Variants in ST6GAL2 observed in about 807,000 individuals in gnomAD.
ST6GAL2 encodes beta-galactoside alpha-2,6-sialyltransferase 2.
Under a neutral mutation model 37.5 loss-of-function variants are expected in ST6GAL2, and 24 were observed. The ratio of observed to expected loss-of-function variants is 0.64; its 90% CI spans 0.46 to 0.90. The LOEUF (loss-of-function observed/expected upper bound fraction) is 0.90, where lower values mean the gene tolerates loss of function less well. ST6GAL2 is among the 40% of genes least tolerant of loss of function. ST6GAL2 has a pLI of 0.00. For synonymous variants in ST6GAL2, 306 were observed against 295.1 expected, an observed-to-expected ratio of 1.04 and a Z score of -0.38; for missense variants, 715 against 712.7, an observed-to-expected ratio of 1.00 and a Z score of -0.04.
intron 5 of ST6GAL2, among the ~76,000 whole-genome samples, chr2:106,827,720 C>G (rs6543445): frequency 1.3e-5 from 2 of 152,138 alleles, no homozygotes; most frequent in African/African-American, 4.8e-5. Flanking sequence ...CAGGAGCACA[C>G]GGTGACTCAG....
intron 1 of ST6GAL2, among the ~76,000 whole-genome samples, chr2:106,880,614 G>A (rs1282778183): frequency 1.3e-5 from 2 of 152,176 alleles, no homozygotes; most frequent in Admixed American, 6.5e-5. Flanking sequence ...TTTTCCATAT[G>A]TATCCTATTT....
intron 5 of ST6GAL2, among the ~76,000 whole-genome samples, chr2:106,822,246 T>C (rs566094103): frequency 1.2e-4 from 18 of 152,232 alleles, no homozygotes; most frequent in African/African-American, 3.8e-4. Flanking sequence ...CATGATCTTA[T>C]ATTTGAAAAA....
intron 5 of ST6GAL2, among the ~76,000 whole-genome samples, chr2:106,814,595 A>G (rs17033309): frequency 0.22 from 33,912 of 151,950 alleles, 4,380 homozygotes; most frequent in East Asian, 0.49. Context: ...TATGTTGGGC[A>G]GAGGCCCTGG....
At chr2:106,837,301 T>C (rs1443917328) in intron 2 of ST6GAL2, among the ~76,000 whole-genome samples, 1 of 152,158 alleles carries the variant, frequency 6.6e-6, no homozygotes, top group Non-Finnish European at 1.5e-5. Flanking sequence ...CCACTGAATC[T>C]GAAAAACACG....
intron 1 of ST6GAL2, among the ~76,000 whole-genome samples, chr2:106,858,874 G>C (rs996902135): frequency 7.9e-5 from 12 of 152,156 alleles, no homozygotes; most frequent in African/African-American, 2.9e-4. Context: ...GTGTGAGCCA[G>C]AGTTGTCTGT....
At chr2:106,860,038 C>T (rs534281744) in intron 1 of ST6GAL2, among the ~76,000 whole-genome samples, 1 of 152,204 alleles carries the variant, frequency 6.6e-6, no homozygotes, top group South Asian at 2.1e-4. Flanking sequence ...TGGGCCCTTC[C>T]CTCTGCCTGG....
chr2:106,845,332 G>A (rs1462914810), intron 1 of ST6GAL2, among the ~76,000 whole-genome samples: 1 of 152,196 alleles, frequency 6.6e-6, no homozygotes, highest in Non-Finnish European at 1.5e-5. Context: ...AGTTCTGAGA[G>A]CAAAGGAGTT....
intron 2 of ST6GAL2, among the ~76,000 whole-genome samples, chr2:106,837,605 G>A (rs570130562): frequency 2.5e-4 from 38 of 152,260 alleles, no homozygotes; most frequent in African/African-American, 9.1e-4. Context: ...TGCTGGGAGG[G>A]AATCAGCCCT....
At chr2:106,819,052 C>A (rs899814695) in intron 5 of ST6GAL2, among the ~76,000 whole-genome samples, 1 of 151,492 alleles carries the variant, frequency 6.6e-6, no homozygotes, top group African/African-American at 2.4e-5. Context: ...TCAGAAGGGA[C>A]AAAAGTAAAA....
At chr2:106,840,614 C>G (rs997395279) in intron 2 of ST6GAL2, among the ~76,000 whole-genome samples, 1 of 152,162 alleles carries the variant, frequency 6.6e-6, no homozygotes, top group African/African-American at 2.4e-5. Flanking sequence ...ATCATAAAGG[C>G]TCATGCAAGT....
chr2:106,849,117 G>A (rs965984344), intron 1 of ST6GAL2, among the ~76,000 whole-genome samples: 5 of 152,150 alleles, frequency 3.3e-5, no homozygotes. Flanking sequence ...GCTTTCCCAG[G>A]TGGCCAGCCT....
intron 1 of ST6GAL2, among the ~76,000 whole-genome samples, chr2:106,855,564 C>T (rs541071943): frequency 6.6e-6 from 1 of 152,010 alleles, no homozygotes; most frequent in Admixed American, 6.6e-5. Flanking sequence ...AGAGGGGATG[C>T]CTGCTTCATT....
intron 1 of ST6GAL2, among the ~76,000 whole-genome samples, chr2:106,875,299 C>A (rs1678458122): frequency 6.6e-6 from 1 of 151,850 alleles, no homozygotes. Context: ...ACCTCAGCCT[C>A]CAGAGTAACT....
rs148000281 is a variant in ST6GAL2 at position 106,824,660 on chromosome 2, A to G, written c.1318+5406T>C. ...ACAAACAAACAAACAGAAACATCCA[A>G]TACTGCTGGAATATAGGATTTAATG... On this transcript the variant is annotated intron_variant, in intron 5 of 5. Coordinates refer to ENST00000409382, the MANE Select transcript of ST6GAL2 (RefSeq NM_001142351.2). Among the ~76,000 whole-genome samples the G allele has an allele frequency of 3.4e-3, 518 of 152,314 alleles. 1 individual carries two copies. The highest frequency in any genetic ancestry group is 8.8e-3 in the Admixed American group (134 of 15,298).
intron 2 of ST6GAL2, chr2:106,834,668 G>A (rs1443533426): frequency 2.0e-5 from 3 of 153,000 alleles, no homozygotes; most frequent in African/African-American, 7.2e-5. Context: ...AAGAAAGTCA[G>A]CCCTGACTTC....
intron 2 of ST6GAL2, among the ~76,000 whole-genome samples, chr2:106,838,946 G>A (rs1676757161): frequency 6.6e-6 from 1 of 152,066 alleles, no homozygotes; most frequent in Non-Finnish European, 1.5e-5. Context: ...TGACGCAGGA[G>A]AATAGCTTGA....
At chr2:106,812,456 T>G (rs770755487) in intron 5 of ST6GAL2, among the ~76,000 whole-genome samples, 7 of 152,222 alleles carry the variant, frequency 4.6e-5, no homozygotes, top group Non-Finnish European at 1.0e-4. Context: ...GCCTGGCATG[T>G]ACTAAAATTC....
At chr2:106,837,077 A>C (rs912315056) in intron 2 of ST6GAL2, among the ~76,000 whole-genome samples, 2 of 152,188 alleles carry the variant, frequency 1.3e-5, no homozygotes, top group Non-Finnish European at 2.9e-5. Flanking sequence ...AACAAATACT[A>C]TCAGTTATTT....
intron 1 of ST6GAL2, among the ~76,000 whole-genome samples, chr2:106,860,357 T>C (rs17033396): frequency 0.079 from 11,968 of 152,002 alleles, 1,068 homozygotes; most frequent in East Asian, 0.46. Flanking sequence ...AGGAAGGAGA[T>C]TGAGGAGGAA....
Sources: gnomAD v4.1 joint callset for allele counts (sites outside exome capture counted in the v4.1 genomes callset) on GRCh38, gnomAD v4.1.1 for gene constraint, MANE v1.5 for transcripts, NCBI Gene and HGNC (gene_info 2026-07-23, HGNC 2026-07-21) for gene names.